Variants in RB1 observed in about 807,000 individuals in gnomAD.
The protein encoded by RB1 is RB transcriptional corepressor 1.
In RB1, 18 loss-of-function variants were observed where a neutral mutation model predicts 135.4. The ratio of observed to expected loss-of-function variants is 0.13; its 90% CI spans 0.09 to 0.20. The LOEUF (loss-of-function observed/expected upper bound fraction) is 0.20, where lower values mean the gene tolerates loss of function less well. Ranked by LOEUF, RB1 falls within the 10% of genes least tolerant of loss-of-function variation. The probability of loss-of-function intolerance (pLI) is 1.00; values close to 1 mark genes in which losing one functional copy is unlikely to be tolerated. For missense variants in RB1, 868 were observed against 1,110.0 expected, an observed-to-expected ratio of 0.78 and a Z score of 3.10; for synonymous variants, 365 against 373.2, an observed-to-expected ratio of 0.98 and a Z score of 0.25.
chr13:48,379,201 T>C lies in RB1; in HGVS notation c.1333-393T>C, dbSNP rs7329387. Among the ~76,000 whole-genome samples, 991 of 152,256 alleles carry C rather than the reference T, an allele frequency of 6.5e-3. 15 individuals carry two copies. The highest frequency in any genetic ancestry group is 0.023 in the African/African-American group (943 of 41,546). On this transcript the variant is annotated intron_variant, in intron 13 of 26. Coordinates refer to ENST00000267163, the MANE Select transcript of RB1 (RefSeq NM_000321.3). Reference sequence around the variant, plus strand: ...CATAACCTATCTTTAGTATGAATGATATAAACTGAAATGGAGTTAAGGAAA... The same window carrying C: ...CATAACCTATCTTTAGTATGAATGACATAAACTGAAATGGAGTTAAGGAAA...
At chr13:48,306,131 A>C (rs1952078338) in intron 1 of RB1, among the ~76,000 whole-genome samples, 1 of 152,122 alleles carries the variant, frequency 6.6e-6, no homozygotes, top group Non-Finnish European at 1.5e-5. Context: ...CTGACCAGGC[A>C]TGTTGGCTCA....
intron 2 of RB1, among the ~76,000 whole-genome samples, chr13:48,320,936 G>A (rs77660933): frequency 0.024 from 3,642 of 152,198 alleles, 145 homozygotes; most frequent in African/African-American, 0.084. Flanking sequence ...CCCAGGATCA[G>A]GACGACGTTA....
intron 17 of RB1, among the ~76,000 whole-genome samples, chr13:48,439,065 G>C (rs1255344334): frequency 6.6e-6 from 1 of 152,158 alleles, no homozygotes; most frequent in African/African-American, 2.4e-5. Context: ...GGCAAAGAAA[G>C]AGTGAAAGAG....
intron 2 of RB1, among the ~76,000 whole-genome samples, chr13:48,310,754 T>C (rs999478222): frequency 1.3e-5 from 2 of 152,186 alleles, no homozygotes; most frequent in Non-Finnish European, 2.9e-5. Flanking sequence ...TTAAGTACTT[T>C]AGCATCAGAA....
chr13:48,334,585 A>G (rs766107634), intron 2 of RB1, among the ~76,000 whole-genome samples: 13 of 152,156 alleles, frequency 8.5e-5, no homozygotes, highest in Non-Finnish European at 1.6e-4. Context: ...ACTTATTTTC[A>G]TCTTTCATAT....
intron 2 of RB1, chr13:48,341,430 G>A (rs1324438035): frequency 6.6e-6 from 1 of 151,754 alleles, no homozygotes; most frequent in Admixed American, 6.6e-5. Flanking sequence ...TGAATATCTG[G>A]GAGTAGAATT....
At chr13:48,457,896 G>A (rs551690386) in intron 19 of RB1, among the ~76,000 whole-genome samples, 1 of 152,368 alleles carries the variant, frequency 6.6e-6, no homozygotes, top group East Asian at 1.9e-4. Flanking sequence ...CGAGGGCGGT[G>A]GCAGTTGGGG....
At chr13:48,430,663 C>A (rs188986989) in intron 17 of RB1, among the ~76,000 whole-genome samples, 148 of 152,256 alleles carry the variant, frequency 9.7e-4, no homozygotes, top group Non-Finnish European at 1.8e-3. Context: ...TGGCTTGAAC[C>A]CAGGGGGCGG....
intron 2 of RB1, among the ~76,000 whole-genome samples, chr13:48,323,856 G>A (rs1315739491): frequency 6.6e-6 from 1 of 151,956 alleles, no homozygotes; most frequent in Non-Finnish European, 1.5e-5. Flanking sequence ...TCTTATAATT[G>A]TTTGTTACTG....
chr13:48,400,340 T>C (rs1156261311), intron 17 of RB1, among the ~76,000 whole-genome samples: 2 of 152,128 alleles, frequency 1.3e-5, no homozygotes, highest in Non-Finnish European at 2.9e-5. Flanking sequence ...TGGAGAAACT[T>C]TCCTGTGTCC....
intron 2 of RB1, among the ~76,000 whole-genome samples, chr13:48,339,183 A>G (rs574866920): frequency 6.6e-6 from 1 of 152,334 alleles, no homozygotes; most frequent in East Asian, 1.9e-4. Flanking sequence ...TGGGAGAACC[A>G]CTACGCTCTT....
intron 17 of RB1, among the ~76,000 whole-genome samples, chr13:48,450,519 G>A (rs1477468198): frequency 6.6e-6 from 1 of 152,150 alleles, no homozygotes; most frequent in Admixed American, 6.5e-5. Flanking sequence ...CCATTCGTCT[G>A]TGTGTCTGCT....
At chr13:48,477,095 A>C (rs1949508867) in intron 25 of RB1, among the ~76,000 whole-genome samples, 1 of 152,214 alleles carries the variant, frequency 6.6e-6, no homozygotes, top group Non-Finnish European at 1.5e-5. Context: ...AAATTTTGTT[A>C]TTCTTAACAT....
intron 17 of RB1, among the ~76,000 whole-genome samples, chr13:48,410,083 T>C (rs1331230248): frequency 6.6e-6 from 1 of 152,164 alleles, no homozygotes; most frequent in Non-Finnish European, 1.5e-5. Flanking sequence ...TGACGTACAA[T>C]AACATCTTGC....
chr13:48,307,823 A>C (rs939359558), intron 2 of RB1, among the ~76,000 whole-genome samples: 1 of 151,390 alleles, frequency 6.6e-6, no homozygotes, highest in Non-Finnish European at 1.5e-5. Flanking sequence ...AGATCGTGCC[A>C]CTGCACTCCA....
At chr13:48,464,323 A>T (rs198589) in intron 21 of RB1, among the ~76,000 whole-genome samples, 135,355 of 152,166 alleles carry the variant, frequency 0.89, 61,483 homozygotes, top group East Asian at 1. Context: ...AAGTGAGTTG[A>T]GGGGTATTTT....
At chr13:48,464,970 T>TTTTTTTTTTTTTTTA in intron 21 of RB1, 28 bp from the exon 22 acceptor site, 1 of 1,376,976 alleles carries the variant, frequency 7.3e-7, no homozygotes. Context: ...TTTTTTTTTT[T>TTTTTTTTTTTTTTTA]TTTTTTTTTT....
chr13:48,330,918 G>T (rs1284617915), intron 2 of RB1, among the ~76,000 whole-genome samples: 1 of 152,132 alleles, frequency 6.6e-6, no homozygotes, highest in African/African-American at 2.4e-5. Context: ...ATTAGCAACA[G>T]CACATTAAAG....
chr13:48,319,971 G>A lies in RB1; in HGVS notation c.264+12565G>A. 1 of 380,936 alleles carries A rather than the reference G, an allele frequency of 2.6e-6. No individual in the cohort carries two copies. The highest frequency in any genetic ancestry group is 4.9e-6 in the Non-Finnish European group (1 of 202,140). The allele number at this position is 380,936 out of a possible 1,614,324, so 23.6% of individuals were successfully genotyped here. ...GGGGCACTGCCGTGAGATAGTTCTG[G>A]CTTACATCTACTGCCACTGCCTGCA... On this transcript the variant is annotated intron_variant, in intron 2 of 26. Transcript: ENST00000267163. The surrounding 1 kb of genome is among the most constrained non-coding windows in gnomAD (Gnocchi z 5.0).
Sources: allele counts gnomAD v4.1 joint callset (sites outside exome capture counted in the v4.1 genomes callset), GRCh38; gene constraint gnomAD v4.1.1; non-coding constraint Gnocchi (gnomAD v3.1); transcripts MANE v1.5; gene names NCBI Gene and HGNC (gene_info 2026-07-23, HGNC 2026-07-21).